CEP152: variants seen among roughly 807,000 people sequenced by gnomAD.
The protein encoded by CEP152 is centrosomal protein 152.
In CEP152, 132 loss-of-function variants were observed where a neutral mutation model predicts 188.9. The ratio of observed to expected loss-of-function variants is 0.70; its 90% confidence interval spans 0.61 to 0.81. The LOEUF is 0.81. Among genes scored for constraint, CEP152 ranks in the 30% least tolerant of loss-of-function variants. The pLI, the probability that CEP152 is intolerant of heterozygous loss-of-function variation, is 0.00. For missense variants in CEP152, 1,914 were observed against 1,969.8 expected (o/e 0.97, Z 0.54); for synonymous variants, 649 against 666.6 (o/e 0.97, Z 0.41).
chr15:48,784,352 G>A (rs946848013), intron 9 of CEP152, among the ~76,000 whole-genome samples: 3 of 152,074 alleles, frequency 2.0e-5, no homozygotes, highest in African/African-American at 7.2e-5. Context: ...GTTGAATTAG[G>A]TGCCTTCTAA....
intron 18 of CEP152, among the ~76,000 whole-genome samples, chr15:48,762,024 C>G (rs1454143754): frequency 1.3e-5 from 2 of 152,172 alleles, no homozygotes; most frequent in Non-Finnish European, 2.9e-5. Flanking sequence ...CTTAGGTTTA[C>G]TTATCTATAA....
chr15:48,807,482 G>T (rs1331281886), intron 1 of CEP152, among the ~76,000 whole-genome samples: 1 of 151,564 alleles, frequency 6.6e-6, no homozygotes, highest in Non-Finnish European at 1.5e-5. Context: ...GTGAACCCGG[G>T]AAGCGGAGCT....
intron 26 of CEP152, chr15:48,740,515 T>TC (rs1178305552): frequency 6.6e-6 from 1 of 152,060 alleles, no homozygotes; most frequent in African/African-American, 2.4e-5. Flanking sequence ...TAGGTTTTTT[T>TC]CCTCTTTCCT....
downstream of CEP152, among the ~76,000 whole-genome samples, chr15:48,737,775 T>C (rs1026077081): frequency 2.6e-5 from 4 of 152,242 alleles, no homozygotes; most frequent in Admixed American, 2.6e-4. Flanking sequence ...AAAGTCTATG[T>C]AGATTAAGTT....
intron 8 of CEP152, 51 bp from the exon 9 acceptor site, chr15:48,789,052 T>G: frequency 6.8e-7 from 1 of 1,476,932 alleles, no homozygotes. Context: ...CAGAGTATTT[T>G]AGCTCTGTGC....
intron 24 of CEP152, among the ~76,000 whole-genome samples, 195 bp from the exon 25 acceptor site, chr15:48,742,295 T>C (rs1173656602): frequency 6.6e-6 from 1 of 152,210 alleles, no homozygotes; most frequent in Non-Finnish European, 1.5e-5. Context: ...AGAAGTACTC[T>C]ATAAGTTCTT....
chr15:48,779,699 A>C (rs1409026972), intron 12 of CEP152, among the ~76,000 whole-genome samples: 4 of 152,222 alleles, frequency 2.6e-5, no homozygotes, highest in African/African-American at 9.6e-5. Flanking sequence ...ATTATTCAAA[A>C]CAATCTGGAT....
chr15:48,742,076 T>C lies in CEP152; in HGVS notation c.3860A>G (p.Glu1287Gly), dbSNP rs767081344. ...IKCDMLRYIQ[E>G]SKERAAEMVK... ...CATTTCTGCAGCTCGTTCCTTACTC[T>C]CCTGAATATAACGAAGCATGTCACC... Residue 1287 changes from glutamate to glycine, a missense_variant, in exon 25 of 27, where the codon GAG (glutamate) becomes GGG (glycine). Physicochemically the swap from Glu to Gly is moderately conservative, Grantham distance 98. Transcript: ENST00000380950. 2 of 1,613,968 alleles carry C rather than the reference T, an allele frequency of 1.2e-6. No homozygotes were observed. Among genetic ancestry groups the C allele is most frequent in the African/African-American group, 2.7e-5 (2 of 74,914 alleles).
chr15:48,734,192 TATATACATATATAC>T (rs980323164), downstream of CEP152, among the ~76,000 whole-genome samples: 1 of 150,118 alleles, frequency 6.7e-6, no homozygotes, highest in African/African-American at 2.5e-5. Flanking sequence ...AACACTGTAA[TATATACATATATAC>T]ATATACATAT....
At chr15:48,760,511 T>C (rs1894603384) in intron 18 of CEP152, among the ~76,000 whole-genome samples, 1 of 152,160 alleles carries the variant, frequency 6.6e-6, no homozygotes, top group African/African-American at 2.4e-5. Flanking sequence ...TGATGACCAG[T>C]ACTATCTTAG....
intron 20 of CEP152, among the ~76,000 whole-genome samples, chr15:48,755,257 G>A (rs1199481203): frequency 1.3e-5 from 2 of 152,092 alleles, no homozygotes; most frequent in African/African-American, 4.8e-5. Context: ...GGGCTTCAGA[G>A]TTTTATGCGA....
chr15:48,765,919 TG>T (rs1895052915), intron 17 of CEP152, among the ~76,000 whole-genome samples: 1 of 152,176 alleles, frequency 6.6e-6, no homozygotes, highest in African/African-American at 2.4e-5. Context: ...CCCAAAGTGC[TG>T]GGATTACAGG....
At chr15:48,805,532 T>A in intron 2 of CEP152, 31 bp downstream of exon 2, 1 of 1,522,924 alleles carries the variant, frequency 6.6e-7, no homozygotes. Context: ...GGGTTTAGTG[T>A]CTCTTTTTTT....
chr15:48,799,937 T>C (rs1007399331), intron 2 of CEP152, among the ~76,000 whole-genome samples: 1 of 152,200 alleles, frequency 6.6e-6, no homozygotes, highest in Non-Finnish European at 1.5e-5. Flanking sequence ...TCTTTTATAC[T>C]TACATTAAGT....
chr15:48,745,076 A>T, intron 22 of CEP152, 84 bp from the exon 23 acceptor site: 1 of 964,612 alleles, frequency 1.0e-6, no homozygotes, highest in Non-Finnish European at 1.5e-6. Flanking sequence ...ACAAATGTTT[A>T]TAGAAGAGAC....
At chr15:48,774,091 A>G (rs1284573523) in intron 12 of CEP152, among the ~76,000 whole-genome samples, 1 of 152,172 alleles carries the variant, frequency 6.6e-6, no homozygotes, top group Non-Finnish European at 1.5e-5. Context: ...AGAAAAAATT[A>G]TAATATCTGA....
chr15:48,781,725 C>T (rs548732381), intron 11 of CEP152, among the ~76,000 whole-genome samples: 8 of 152,226 alleles, frequency 5.3e-5, no homozygotes, highest in African/African-American at 1.4e-4. Flanking sequence ...TTTAGCCTGC[C>T]GGTGGTGAAA....
intron 19 of CEP152, among the ~76,000 whole-genome samples, chr15:48,759,754 G>A (rs916590145): frequency 6.6e-6 from 1 of 152,096 alleles, no homozygotes; most frequent in African/African-American, 2.4e-5. Flanking sequence ...TTCTGGAAAG[G>A]AGAACTGGCT....
intron 2 of CEP152, among the ~76,000 whole-genome samples, chr15:48,731,433 G>C (rs1892418412): frequency 6.6e-6 from 1 of 152,136 alleles, no homozygotes; most frequent in Non-Finnish European, 1.5e-5. Flanking sequence ...CGAGCAATGG[G>C]GAAAGGATCT....
Sources: gnomAD v4.1 joint callset for allele counts (sites outside exome capture counted in the v4.1 genomes callset) on GRCh38, gnomAD v4.1.1 for gene constraint, MANE v1.5 for transcripts, NCBI Gene and HGNC (gene_info 2026-07-23, HGNC 2026-07-21) for gene names.